Variants in SUSD4 observed in about 807,000 individuals in gnomAD.
SUSD4 encodes sushi domain-containing protein 4.
A neutral mutation model predicts 50.5 loss-of-function variants in SUSD4; 41 were observed. The observed-to-expected ratio is 0.81, with a 90% CI of 0.63 to 1.05. The LOEUF (loss-of-function observed/expected upper bound fraction) is 1.05, where lower values mean the gene tolerates loss of function less well. Among genes scored for constraint, SUSD4 ranks in the 50% least tolerant of loss-of-function variants. The probability of loss-of-function intolerance (pLI) is 0.00; values close to 1 mark genes in which losing one functional copy is unlikely to be tolerated. For synonymous variants in SUSD4, 257 were observed against 257.3 expected (o/e 1.00, Z 0.01); for missense variants, 580 against 634.7 (o/e 0.91, Z 0.93).
intron 2 of SUSD4, among the ~76,000 whole-genome samples, chr1:223,308,176 C>A (rs961163339): frequency 3.3e-5 from 5 of 152,130 alleles, no homozygotes; most frequent in African/African-American, 1.2e-4. Context: ...TCATGTTGAA[C>A]TGTAATCCTC....
chr1:223,229,368 C>T lies in SUSD4; in HGVS notation c.745G>A (p.Val249Met). The change falls in exon 6 of 9, where the codon GTG (valine) becomes ATG (methionine). Residue 249 changes from valine to methionine, a missense_variant. Val to Met is a conservative substitution (Grantham distance 21). Transcript: ENST00000366878. This position sits in a 1 kb window ranked among gnomAD's most constrained non-coding sequence, Gnocchi z 4.7. ...TGGCAGACGAAATCTCCGTGACTCA[C>T]CATTGGAGGTAGTGGACAGACTTGG... ...ALEVCPLPPM[V>M]SHGDFVCHPR... 6.3e-7 allele frequency: 1 copy of T among 1,598,660 alleles called. No homozygotes were observed. The highest frequency in any genetic ancestry group is 8.6e-7 in the Non-Finnish European group (1 of 1,167,894).
intron 3 of SUSD4, among the ~76,000 whole-genome samples, chr1:223,285,831 G>A (rs754980814): frequency 4.4e-4 from 67 of 152,268 alleles, no homozygotes; most frequent in South Asian, 1.9e-3. Flanking sequence ...CACACACCGG[G>A]AATTACTTGA....
At chr1:223,326,594 G>A (rs994347303) in intron 2 of SUSD4, among the ~76,000 whole-genome samples, 6 of 151,844 alleles carry the variant, frequency 4.0e-5, no homozygotes, top group African/African-American at 1.2e-4. Context: ...TGCAAACTAC[G>A]CATCTGACAA....
At position 223,363,296 on chromosome 1, in the gene SUSD4, G is replaced by A; in HGVS notation, c.130C>T (p.Pro44Ser). Residue 44 changes from proline to serine, a missense_variant, in exon 2 of 9, where the codon CCT becomes TCT. Physicochemically the swap from Pro to Ser is moderately conservative, Grantham distance 74 (BLOSUM62 -1). Transcript: ENST00000366878. Reference sequence around the variant, plus strand: ...CACTCACCGCCCGTGAGCTGTGCAGGGCCGAAGCACAGCGCCAGCTGAAAC... The same window carrying A: ...CACTCACCGCCCGTGAGCTGTGCAGAGCCGAAGCACAGCGCCAGCTGAAAC... ...LWFQLALCFGPAQLTGGFDDL... is the reference protein window; with the variant it reads ...LWFQLALCFGSAQLTGGFDDL... 5.0e-6 allele frequency: 8 copies of A among 1,607,696 alleles called. No homozygotes were observed. The highest frequency in any genetic ancestry group is 6.8e-6 in the Non-Finnish European group (8 of 1,177,312).
At chr1:223,346,066 TC>T (rs1429788753) in intron 2 of SUSD4, among the ~76,000 whole-genome samples, 1 of 152,152 alleles carries the variant, frequency 6.6e-6, no homozygotes, top group Admixed American at 6.5e-5. Context: ...CTGATCATTC[TC>T]CGTTGTAGAG....
intron 3 of SUSD4, chr1:223,289,242 C>A (rs1322379019): frequency 3.0e-6 from 3 of 985,298 alleles, no homozygotes; most frequent in Non-Finnish European, 3.6e-6. Flanking sequence ...TTCACCCATG[C>A]TTGGGGTCAT....
intron 5 of SUSD4, among the ~76,000 whole-genome samples, chr1:223,243,057 C>T (rs1660690342): frequency 6.6e-6 from 1 of 152,096 alleles, no homozygotes; most frequent in Non-Finnish European, 1.5e-5. Flanking sequence ...AAAGTGTCCC[C>T]CTGGCCAGAT....
chr1:223,225,914 C>A (rs1037275311), intron 7 of SUSD4, among the ~76,000 whole-genome samples: 24 of 152,196 alleles, frequency 1.6e-4, no homozygotes, highest in African/African-American at 5.5e-4. Context: ...CCTTGAGATT[C>A]TTGTCATGCA....
At chr1:223,345,692 A>C (rs1667993538) in intron 2 of SUSD4, among the ~76,000 whole-genome samples, 1 of 152,208 alleles carries the variant, frequency 6.6e-6, no homozygotes, top group Non-Finnish European at 1.5e-5. Flanking sequence ...TTCCACCTGC[A>C]TGTCAAAATT....
intron 2 of SUSD4, among the ~76,000 whole-genome samples, chr1:223,315,192 A>G (rs535442663): frequency 1.3e-5 from 2 of 152,348 alleles, no homozygotes; most frequent in African/African-American, 4.8e-5. Context: ...TTTATAGTTT[A>G]AATGATAGCG....
intron 2 of SUSD4, among the ~76,000 whole-genome samples, chr1:223,352,750 G>A (rs1002288165): frequency 2.0e-5 from 3 of 152,166 alleles, no homozygotes; most frequent in Admixed American, 6.5e-5. Flanking sequence ...GGTGAGAGGA[G>A]GCAGTCAACA....
At chr1:223,339,076 AG>A (rs1352293208) in intron 2 of SUSD4, among the ~76,000 whole-genome samples, 1 of 152,200 alleles carries the variant, frequency 6.6e-6, no homozygotes, top group Non-Finnish European at 1.5e-5. Context: ...GACTGGTTAG[AG>A]GAAGAAAAAG....
chr1:223,276,338 C>T (rs946006094), intron 3 of SUSD4, among the ~76,000 whole-genome samples: 2 of 152,212 alleles, frequency 1.3e-5, no homozygotes, highest in African/African-American at 4.8e-5. Context: ...CTCCCTACCT[C>T]CACAGCCCCT....
intron 2 of SUSD4, among the ~76,000 whole-genome samples, chr1:223,326,000 C>A (rs1388336199): frequency 6.6e-6 from 1 of 152,098 alleles, no homozygotes; most frequent in Admixed American, 6.5e-5. Flanking sequence ...AATCATTTTT[C>A]ACAGAATTAG....
chr1:223,260,495 C>T lies in SUSD4; in HGVS notation c.724+4135G>A, dbSNP rs72743900. Reference sequence around the variant, plus strand: ...AAGAGACAGATGGAGGTGAGGGCCTCAGGGAGGAAGAGAACCCGAGAGTGG... The same window carrying T: ...AAGAGACAGATGGAGGTGAGGGCCTTAGGGAGGAAGAGAACCCGAGAGTGG... On this transcript the variant is annotated intron_variant, in intron 5 of 8. Coordinates refer to ENST00000366878, the MANE Select transcript of SUSD4 (RefSeq NM_017982.4). Among the ~76,000 whole-genome samples, 897 of 152,262 alleles carry T rather than the reference C, an allele frequency of 5.9e-3. 4 individuals are homozygous for T. The highest frequency in any genetic ancestry group is 9.7e-3 in the Non-Finnish European group (660 of 68,032).
intron 5 of SUSD4, chr1:223,235,232 A>C (rs1660140691): frequency 5.4e-6 from 5 of 928,292 alleles, no homozygotes; most frequent in Non-Finnish European, 7.9e-6. Flanking sequence ...GGTTCACAGC[A>C]ATATTGAGCA....
intron 2 of SUSD4, among the ~76,000 whole-genome samples, chr1:223,319,852 G>C (rs1271722508): frequency 6.6e-6 from 1 of 152,178 alleles, no homozygotes; most frequent in Non-Finnish European, 1.5e-5. Flanking sequence ...TTTCACTGCA[G>C]AACTATTGGT....
intron 3 of SUSD4, among the ~76,000 whole-genome samples, chr1:223,270,251 T>C (rs1484788299): frequency 6.6e-6 from 1 of 152,144 alleles, no homozygotes; most frequent in Non-Finnish European, 1.5e-5. Flanking sequence ...GCCTTTGTCA[T>C]CACCGTTAGC....
intron 5 of SUSD4, among the ~76,000 whole-genome samples, chr1:223,259,038 C>G (rs562106147): frequency 6.6e-6 from 1 of 152,124 alleles, no homozygotes; most frequent in African/African-American, 2.4e-5. Flanking sequence ...TAGAACCTAG[C>G]TCTGCCTGCG....
Sources: gnomAD v4.1 joint callset for allele counts (sites outside exome capture counted in the v4.1 genomes callset) on GRCh38, gnomAD v4.1.1 for gene constraint, Gnocchi (gnomAD v3.1) non-coding constraint, MANE v1.5 for transcripts, NCBI Gene and HGNC (gene_info 2026-07-23, HGNC 2026-07-21) for gene names.